Variants in CTNNBL1 observed in about 807,000 individuals in gnomAD.
The protein encoded by CTNNBL1 is beta-catenin-like protein 1.
A neutral mutation model predicts 72.7 loss-of-function variants in CTNNBL1; 31 were observed. The ratio of observed to expected loss-of-function variants is 0.43; its 90% CI spans 0.32 to 0.58. The LOEUF (loss-of-function observed/expected upper bound fraction) is 0.58. Among genes scored for constraint, CTNNBL1 ranks in the 20% least tolerant of loss-of-function variants. The pLI is 0.08. For missense variants in CTNNBL1, 534 were observed against 725.1 expected, an observed-to-expected ratio of 0.74 and a Z score of 3.03; for synonymous variants, 240 against 267.3, an observed-to-expected ratio of 0.90 and a Z score of 1.00.
intron 11 of CTNNBL1, among the ~76,000 whole-genome samples, chr20:37,809,556 TCCTC>T (rs2071991133): frequency 6.6e-6 from 1 of 152,180 alleles, no homozygotes; most frequent in African/African-American, 2.4e-5. Flanking sequence ...GTCAGACCCT[TCCTC>T]AGCTCCTGAT....
chr20:37,765,229 G>A lies in CTNNBL1; in HGVS notation c.597G>A (p.Gln199=), dbSNP rs766279280. Residue 199 remains glutamine, a synonymous_variant, in exon 6 of 16, where the codon CAG becomes CAA. Transcript: ENST00000361383. ...VDGQVVALLV[Q]NLERLDESVK... ...GGCAGGTGGTAGCACTGCTGGTACA[G>A]AATCTGGAGCGCCTGGATGAGTCTG... is the stretch of plus-strand genomic sequence containing the variant. The A allele has an allele frequency of 8.4e-6, 13 of 1,551,582 alleles. No individual in the cohort carries two copies. Among genetic ancestry groups the A allele is most frequent in the Non-Finnish European group, 1.1e-5 (13 of 1,146,890 alleles).
At chr20:37,823,197 T>G (rs1002421581) in intron 11 of CTNNBL1, among the ~76,000 whole-genome samples, 3 of 152,236 alleles carry the variant, frequency 2.0e-5, no homozygotes, top group African/African-American at 7.2e-5. Context: ...CAGAGATGAC[T>G]GCCTGTTTTT....
At chr20:37,777,454 T>G in intron 8 of CTNNBL1, 37 bp downstream of exon 8, 1 of 1,597,990 alleles carries the variant, frequency 6.3e-7, no homozygotes, top group South Asian at 1.1e-5. Flanking sequence ...TCTGTTAGGA[T>G]AGGAGCCAGG....
At chr20:37,818,809 A>AT (rs1167082196) in intron 11 of CTNNBL1, among the ~76,000 whole-genome samples, 1 of 152,200 alleles carries the variant, frequency 6.6e-6, no homozygotes, top group East Asian at 1.9e-4. Flanking sequence ...AAAAGTAGCA[A>AT]TTTATTGTGA....
At chr20:37,749,191 C>T (rs1358028817) in intron 4 of CTNNBL1, among the ~76,000 whole-genome samples, 1 of 152,220 alleles carries the variant, frequency 6.6e-6, no homozygotes, top group Non-Finnish European at 1.5e-5. Flanking sequence ...GGATTTACGA[C>T]ATTGCTGACA....
rs73909433 is a variant in CTNNBL1, at chr20:37,739,851, G to A, written c.326+2367G>A. On this transcript the variant is annotated intron_variant, in intron 3 of 15. Coordinates refer to ENST00000361383, the MANE Select transcript of CTNNBL1 (RefSeq NM_030877.5). ...TGAGAGAGCTCATGTAGTCCCTGTC[G>A]TCTTTATTACATCCCCATTGCTTGA... Among the ~76,000 whole-genome samples, 1,343 of 152,212 alleles carry A rather than the reference G, an allele frequency of 8.8e-3. 15 individuals are homozygous for A. Among genetic ancestry groups the A allele is most frequent in the African/African-American group, 0.031 (1,282 of 41,526 alleles).
intron 1 of CTNNBL1, among the ~76,000 whole-genome samples, chr20:37,695,911 C>A (rs181670201): frequency 4.9e-4 from 75 of 152,278 alleles, no homozygotes; most frequent in Middle Eastern, 3.4e-3. Context: ...TGACCCTGGA[C>A]GCTTAAGACA....
intron 2 of CTNNBL1, among the ~76,000 whole-genome samples, chr20:37,735,431 T>C (rs913510603): frequency 6.6e-6 from 1 of 152,198 alleles, no homozygotes; most frequent in African/African-American, 2.4e-5. Context: ...ATTCTAAGTG[T>C]GTAGTGGATG....
intron 13 of CTNNBL1, among the ~76,000 whole-genome samples, chr20:37,858,273 G>A (rs1300739678): frequency 6.6e-6 from 1 of 152,190 alleles, no homozygotes; most frequent in Non-Finnish European, 1.5e-5. Context: ...TACTGAGCTA[G>A]GGCCCTACCT....
At chr20:37,741,986 AT>A (rs1005900526) in intron 3 of CTNNBL1, among the ~76,000 whole-genome samples, 78 of 146,660 alleles carry the variant, frequency 5.3e-4, no homozygotes, top group Admixed American at 7.5e-4. Flanking sequence ...AACTCTTGGT[AT>A]TTTTTTTTTT....
chr20:37,869,827 G>A (rs73904798), intron 15 of CTNNBL1, among the ~76,000 whole-genome samples: 1,597 of 152,284 alleles, frequency 0.01, 22 homozygotes, highest in African/African-American at 0.037. Flanking sequence ...CAAGGGCACA[G>A]TTGTGAGTCA....
intron 7 of CTNNBL1, among the ~76,000 whole-genome samples, chr20:37,774,008 G>A (rs535106115): frequency 2.7e-5 from 4 of 148,320 alleles, no homozygotes; most frequent in Admixed American, 1.4e-4. Context: ...AACCTCCCAG[G>A]CTCAAGTGAT....
intron 5 of CTNNBL1, among the ~76,000 whole-genome samples, chr20:37,759,579 C>T (rs1337448006): frequency 6.6e-6 from 1 of 152,138 alleles, no homozygotes; most frequent in Non-Finnish European, 1.5e-5. Context: ...TGGGGAGCCA[C>T]TAGGTAACTG....
intron 11 of CTNNBL1, among the ~76,000 whole-genome samples, chr20:37,821,419 G>GA (rs2072106322): frequency 6.6e-6 from 1 of 152,078 alleles, no homozygotes; most frequent in South Asian, 2.1e-4. Flanking sequence ...TTTTATTAGG[G>GA]AAAATTTCAG....
At chr20:37,736,897 G>C (rs748008627) in intron 2 of CTNNBL1, among the ~76,000 whole-genome samples, 4 of 152,096 alleles carry the variant, frequency 2.6e-5, no homozygotes, top group Admixed American at 6.5e-5. Context: ...TGTGATTACA[G>C]GCCCTTACTC....
chr20:37,816,667 T>C (rs1299618029), intron 11 of CTNNBL1, among the ~76,000 whole-genome samples: 1 of 152,210 alleles, frequency 6.6e-6, no homozygotes, highest in African/African-American at 2.4e-5. Flanking sequence ...TCTTATACTT[T>C]TTCTAAGTAA....
chr20:37,847,219 G>A (rs925933761), intron 13 of CTNNBL1, among the ~76,000 whole-genome samples: 6 of 152,132 alleles, frequency 3.9e-5, no homozygotes, highest in East Asian at 1.9e-4. Context: ...ATACTACTTC[G>A]AAGAATCAAC....
intron 10 of CTNNBL1, among the ~76,000 whole-genome samples, chr20:37,799,894 A>T (rs1050936392): frequency 6.6e-6 from 1 of 152,136 alleles, no homozygotes; most frequent in African/African-American, 2.4e-5. Context: ...GAAGTCTGGG[A>T]TGTGTTACTT....
intron 11 of CTNNBL1, among the ~76,000 whole-genome samples, chr20:37,821,241 T>G (rs1307654589): frequency 6.6e-6 from 1 of 152,210 alleles, no homozygotes; most frequent in African/African-American, 2.4e-5. Flanking sequence ...TCCTTTCTTA[T>G]GCTCCCGACA....
Sources: allele counts gnomAD v4.1 joint callset (sites outside exome capture counted in the v4.1 genomes callset), GRCh38; gene constraint gnomAD v4.1.1; transcripts MANE v1.5; gene names NCBI Gene and HGNC (gene_info 2026-07-23, HGNC 2026-07-21).